ADCY1: variants seen among roughly 807,000 people sequenced by gnomAD.
ADCY1 encodes adenylate cyclase 1.
ADCY1 carries 28 observed loss-of-function variants against 105.4 expected under a neutral mutation model. That is an observed-to-expected ratio of 0.27 (90% confidence interval 0.20 to 0.36). The LOEUF (loss-of-function observed/expected upper bound fraction) is 0.36. Among genes scored for constraint, ADCY1 ranks in the 10% least tolerant of loss-of-function variants. ADCY1 has a pLI of 1.00. For synonymous variants in ADCY1, 655 were observed against 623.8 expected, an observed-to-expected ratio of 1.05 and a Z score of -0.75; for missense variants, 977 against 1,434.2, an observed-to-expected ratio of 0.68 and a Z score of 5.15.
chr7:45,650,751 G>A (rs923822737), intron 5 of ADCY1, among the ~76,000 whole-genome samples: 1 of 152,130 alleles, frequency 6.6e-6, no homozygotes, highest in Non-Finnish European at 1.5e-5. Context: ...AAAGGGTGCT[G>A]TCCTTCCTTC....
At chr7:45,666,140 T>C (rs767013950) in intron 8 of ADCY1, among the ~76,000 whole-genome samples, 8 of 152,118 alleles carry the variant, frequency 5.3e-5, no homozygotes, top group African/African-American at 1.4e-4. Context: ...TTCTCTCTCT[T>C]TTTTTTAAAT....
chr7:45,686,042 C>T lies in ADCY1; in HGVS notation c.2154C>T (p.Ala718=). 6.2e-7 allele frequency: 1 copy of T among 1,612,220 alleles called. No individual in the cohort carries two copies. Among genetic ancestry groups the T allele is most frequent in the African/African-American group, 1.3e-5 (1 of 74,302 alleles). The part of the protein sequence containing the change: ...VVLSSGGQRT[A]LPTLPCESTH... ...TTTCGTCTGGGGGCCAGCGCACAGC[C>T]CTGCCCACCCTGCCCTGCGAGTCTA... is the stretch of plus-strand genomic sequence containing the variant. The change falls in exon 13 of 20, where the codon GCC becomes GCT. Residue 718 remains alanine (A), a synonymous_variant. Coordinates refer to ENST00000297323, the MANE Select transcript of ADCY1 (RefSeq NM_021116.4). This position sits in a 1 kb window ranked among gnomAD's most constrained non-coding sequence, Gnocchi z 4.3.
intron 7 of ADCY1, among the ~76,000 whole-genome samples, 161 bp downstream of exon 7, chr7:45,660,344 C>T (rs1359958340): frequency 6.6e-6 from 1 of 152,110 alleles, no homozygotes; most frequent in Non-Finnish European, 1.5e-5. Flanking sequence ...CGTCCTGAGC[C>T]TTGTCTCTTA....
At chr7:45,621,622 C>T (rs553901078) in intron 3 of ADCY1, among the ~76,000 whole-genome samples, 1 of 152,136 alleles carries the variant, frequency 6.6e-6, no homozygotes, top group African/African-American at 2.4e-5. Flanking sequence ...CTGGATAGTT[C>T]CCTTGGAGTC....
chr7:45,714,137 G>A lies in ADCY1; in HGVS notation c.*142G>A, dbSNP rs536299585. On this transcript the variant is annotated 3_prime_UTR_variant, in exon 20 of 20. Transcript: ENST00000297323. ...AGGGTGGAGGAGGAGCATTGTCCAG[G>A]CATGGCCTGTGGCCCGAGGGCCAAC... The A allele has an allele frequency of 4.0e-5, 24 of 604,822 alleles. No individual in the cohort carries two copies. In the African/African-American group the frequency reaches 4.2e-4, roughly 11 times the overall value. 37.5% of individuals were successfully genotyped at this position (604,822 alleles called of 1,614,324 possible).
intron 3 of ADCY1, among the ~76,000 whole-genome samples, chr7:45,613,280 A>G (rs1441281175): frequency 6.6e-6 from 1 of 152,198 alleles, no homozygotes; most frequent in African/African-American, 2.4e-5. Context: ...TGAAGACCAC[A>G]ATTACTGAAC....
chr7:45,594,308 T>A (rs1182354795), intron 2 of ADCY1, among the ~76,000 whole-genome samples: 1 of 152,180 alleles, frequency 6.6e-6, no homozygotes, highest in Non-Finnish European at 1.5e-5. Flanking sequence ...CCCTGAGCAT[T>A]TTCTCTTAGA....
At chr7:45,667,696 A>G (rs1784287588) in intron 8 of ADCY1, among the ~76,000 whole-genome samples, 1 of 152,216 alleles carries the variant, frequency 6.6e-6, no homozygotes. Context: ...TGGGGATGGC[A>G]TTGAATCTAT....
chr7:45,678,725 A>G (rs1426412410), intron 10 of ADCY1, among the ~76,000 whole-genome samples: 1 of 151,572 alleles, frequency 6.6e-6, no homozygotes, highest in Non-Finnish European at 1.5e-5. Flanking sequence ...AAAAAAAAAA[A>G]AAAAAAAAAT....
chr7:45,602,735 A>G (rs6955528), intron 2 of ADCY1, among the ~76,000 whole-genome samples: 10,710 of 152,280 alleles, frequency 0.07, 389 homozygotes, highest in African/African-American at 0.084. Flanking sequence ...TCAATTAAAT[A>G]AACTTTGTCC....
chr7:45,684,852 T>C (rs1311736256), intron 11 of ADCY1, 127 bp from the exon 12 acceptor site: 2 of 747,130 alleles, frequency 2.7e-6, no homozygotes, highest in African/African-American at 3.4e-5. Flanking sequence ...GTGAGGAGGG[T>C]GAAAAACGGA....
intron 4 of ADCY1, among the ~76,000 whole-genome samples, chr7:45,644,797 A>C (rs576068860): frequency 6.6e-6 from 1 of 152,348 alleles, no homozygotes; most frequent in East Asian, 1.9e-4. Flanking sequence ...ACCAATTAGA[A>C]ATACCTTTTT....
intron 5 of ADCY1, among the ~76,000 whole-genome samples, chr7:45,656,599 T>A (rs368845174): frequency 6.6e-6 from 1 of 152,020 alleles, no homozygotes; most frequent in East Asian, 1.9e-4. Flanking sequence ...GCAGTGGGGT[T>A]GTGTGGAGCA....
chr7:45,629,406 C>G (rs745325553), intron 4 of ADCY1, among the ~76,000 whole-genome samples: 3 of 151,922 alleles, frequency 2.0e-5, no homozygotes, highest in Admixed American at 6.6e-5. Flanking sequence ...ACAAATAAAG[C>G]TGCTATGAAC....
chr7:45,653,378 G>T (rs1220022879), intron 5 of ADCY1, among the ~76,000 whole-genome samples: 1 of 152,212 alleles, frequency 6.6e-6, no homozygotes, highest in African/African-American at 2.4e-5. Context: ...CAGGCCCTGT[G>T]TCCTGAGGTT....
At chr7:45,619,747 T>C (rs1200642195) in intron 3 of ADCY1, among the ~76,000 whole-genome samples, 1 of 152,148 alleles carries the variant, frequency 6.6e-6, no homozygotes, top group Admixed American at 6.5e-5. Context: ...AATGGGGTGA[T>C]GTTGGTAAAA....
intron 4 of ADCY1, among the ~76,000 whole-genome samples, chr7:45,646,249 G>A (rs761257288): frequency 1.3e-5 from 2 of 152,082 alleles, no homozygotes; most frequent in South Asian, 2.1e-4. Context: ...CTGTCCGGTC[G>A]CATCCCTGGT....
chr7:45,708,415 T>C lies in ADCY1; in HGVS notation c.2883T>C (p.Val961=), dbSNP rs774633681. 6.2e-7 allele frequency: 1 copy of C among 1,614,220 alleles called. No individual in the cohort carries two copies. The highest frequency in any genetic ancestry group is 8.5e-7 in the Non-Finnish European group (1 of 1,180,024). The change falls in exon 18 of 20, where the codon GTT becomes GTC. Residue 961 remains valine (V), a synonymous_variant. Coordinates refer to ENST00000297323, the MANE Select transcript of ADCY1 (RefSeq NM_021116.4). The surrounding 1 kb of genome is among the most constrained non-coding windows in gnomAD (Gnocchi z 4.7). ...ACTTTGCCATTGAGATGTTTGACGT[T>C]CTGGATGAAATCAACTACCAGTCTT... ...LADFAIEMFD[V]LDEINYQSYN... is the part of the protein sequence containing the mutation.
intron 1 of ADCY1, among the ~76,000 whole-genome samples, chr7:45,582,556 G>A (rs1017244441): frequency 6.8e-6 from 1 of 147,834 alleles, no homozygotes; most frequent in Non-Finnish European, 1.5e-5. Context: ...TGCAGGCCAG[G>A]GCAGGCACCT....
Sources: gnomAD v4.1 joint callset for allele counts (sites outside exome capture counted in the v4.1 genomes callset) on GRCh38, gnomAD v4.1.1 for gene constraint, Gnocchi (gnomAD v3.1) non-coding constraint, MANE v1.5 for transcripts, NCBI Gene and HGNC (gene_info 2026-07-23, HGNC 2026-07-21) for gene names.